EED: variants seen among roughly 807,000 people sequenced by gnomAD.
EED encodes polycomb protein EED.
Under a neutral mutation model 61.0 loss-of-function variants are expected in EED, and 9 were observed. The ratio of observed to expected loss-of-function variants is 0.15; its 90% CI spans 0.09 to 0.26. The LOEUF (loss-of-function observed/expected upper bound fraction) is 0.26, where lower values mean the gene tolerates loss of function less well. EED is among the 10% of genes least tolerant of loss of function. EED has a pLI of 1.00. For missense variants in EED, 315 were observed against 542.3 expected, an observed-to-expected ratio of 0.58 and a Z score of 4.16; for synonymous variants, 187 against 174.4, an observed-to-expected ratio of 1.07 and a Z score of -0.57.
At chr11:86,246,924 A>C (rs1056829344) in intron 1 of EED, among the ~76,000 whole-genome samples, 2 of 152,232 alleles carry the variant, frequency 1.3e-5, no homozygotes, top group Admixed American at 1.3e-4. Flanking sequence ...GAGTTAATAT[A>C]GCTAAAGTAC....
chr11:86,278,179 G>C, intron 11 of EED, 188 bp downstream of exon 11: 3 of 1,321,592 alleles, frequency 2.3e-6, no homozygotes, highest in Non-Finnish European at 2.9e-6. Context: ...TTGGTGACAA[G>C]TCATTTCTTG....
At chr11:86,286,971 CAAAAAAAAAAAAA>C in the EED span, among the ~76,000 whole-genome samples, 4 of 68,342 alleles carry the variant, frequency 5.9e-5, no homozygotes, top group African/African-American at 1.9e-4. Flanking sequence ...GACTCCGTCT[CAAAAAAAAAAAAA>C]AAAAAAAAAA....
chr11:86,253,261 A>T (rs1357445305), intron 3 of EED, among the ~76,000 whole-genome samples: 1 of 152,214 alleles, frequency 6.6e-6, no homozygotes, highest in Non-Finnish European at 1.5e-5. Flanking sequence ...TTCTTTGAAA[A>T]CAACAATTCA....
At chr11:86,252,319 T>C in intron 3 of EED, 79 bp downstream of exon 3, 1 of 1,018,452 alleles carries the variant, frequency 9.8e-7, no homozygotes. Flanking sequence ...TAGAATAATT[T>C]CAAAGTGCAT....
chr11:86,249,688 C>G (rs1158885098), intron 1 of EED, among the ~76,000 whole-genome samples: 1 of 151,988 alleles, frequency 6.6e-6, no homozygotes, highest in Non-Finnish European at 1.5e-5. Flanking sequence ...AACAATGAGA[C>G]AGTTTTAACT....
At chr11:86,266,486 G>A (rs1215186418) in intron 8 of EED, among the ~76,000 whole-genome samples, 3 of 152,030 alleles carry the variant, frequency 2.0e-5, no homozygotes, top group African/African-American at 7.2e-5. Context: ...GTATGCATAT[G>A]CTTGGCCTTT....
chr11:86,273,281 C>T (rs912410989), intron 9 of EED, among the ~76,000 whole-genome samples: 5 of 152,224 alleles, frequency 3.3e-5, no homozygotes, highest in African/African-American at 1.2e-4. Flanking sequence ...CATTGGCCTC[C>T]CAAAGGACTG....
At position 86,244,843 on chromosome 11, in the gene EED, T is replaced by A. The variant is rs1945342194; in HGVS notation, c.-387T>A. 3.7e-5 allele frequency: 9 copies of A among 243,682 alleles called. No homozygotes were observed. The Admixed American group carries it at 5.1e-4, about 14-fold the overall frequency. 15.1% of individuals were successfully genotyped at this position (243,682 alleles called of 1,614,324 possible). A position where few individuals can be genotyped will look rare whatever the true frequency, so the allele number is the denominator to read the frequency against. ...AACGTCTTTGGAAGGAGGAAGGGGG[T>A]GAGGGAGCATCCCTTTGAGTTTCGC... is the stretch of plus-strand genomic sequence containing the variant. On this transcript the variant is annotated 5_prime_UTR_variant, in exon 1 of 12. Coordinates refer to ENST00000263360, the MANE Select transcript of EED (RefSeq NM_003797.5).
chr11:86,250,075 A>G (rs1945492208), intron 1 of EED, among the ~76,000 whole-genome samples: 1 of 152,238 alleles, frequency 6.6e-6, no homozygotes, highest in Admixed American at 6.5e-5. Flanking sequence ...TATTCTCATT[A>G]GTATTTATTT....
intron 11 of EED, 95 bp from the exon 12 acceptor site, chr11:86,278,304 T>A (rs766935587): frequency 1.3e-6 from 2 of 1,505,692 alleles, no homozygotes. Context: ...TTCGTATGAC[T>A]TGGAACATCT....
chr11:86,284,898 G>T, the EED span, among the ~76,000 whole-genome samples: 4 of 152,122 alleles, frequency 2.6e-5, no homozygotes, highest in African/African-American at 9.7e-5. Flanking sequence ...GATCATCTGA[G>T]GTCAGGAGTT....
At chr11:86,264,512 C>G (rs1945926285) in intron 7 of EED, 2 of 325,896 alleles carry the variant, frequency 6.1e-6, no homozygotes. Flanking sequence ...GCAGTATGAT[C>G]TTGCTCCTTT....
At chr11:86,279,671 A>T (rs1231865698), downstream of EED, among the ~76,000 whole-genome samples, 1 of 152,204 alleles carries the variant, frequency 6.6e-6, no homozygotes, top group Non-Finnish European at 1.5e-5. Context: ...GTTTCTATAA[A>T]TATGTATATT....
At chr11:86,257,408 A>T in intron 5 of EED, 107 bp from the exon 6 acceptor site, 2 of 563,884 alleles carry the variant, frequency 3.5e-6, no homozygotes, top group Non-Finnish European at 5.2e-6. Flanking sequence ...GCCAAGGTTG[A>T]GAACCACTAC....
downstream of EED, among the ~76,000 whole-genome samples, chr11:86,282,090 C>T (rs561567914): frequency 6.6e-6 from 1 of 152,294 alleles, no homozygotes; most frequent in African/African-American, 2.4e-5. Flanking sequence ...ATCTATACAT[C>T]TACACCAGAT....
chr11:86,278,606 G>T lies in EED; in HGVS notation c.*81G>T. The T allele has an allele frequency of 6.5e-7, 1 of 1,539,834 alleles. No individual in the cohort carries two copies. Among genetic ancestry groups the T allele is most frequent in the Non-Finnish European group, 8.8e-7 (1 of 1,136,478 alleles). ...TAATGTATCTTGCTAGTAAGGGCAC[G>T]TAGAGCATTTAGAGTTGTCTTTCAG... On this transcript the variant is annotated 3_prime_UTR_variant, in exon 12 of 12. Coordinates refer to ENST00000263360, the MANE Select transcript of EED (RefSeq NM_003797.5).
chr11:86,264,233 A>C lies in EED; in HGVS notation c.696A>C (p.Val232=). Residue 232 remains valine, a synonymous_variant, in exon 7 of 12, where the codon GTA becomes GTC. Transcript: ENST00000263360. ...TDTLVAIFGG[V]EGHRDEVLSA... Reference sequence around the variant, plus strand: ...CTCTGGTGGCAATATTTGGAGGCGTAGAAGGGCACAGAGATGAAGTTCTAA... The same window carrying C: ...CTCTGGTGGCAATATTTGGAGGCGTCGAAGGGCACAGAGATGAAGTTCTAA... 2 of 1,614,036 alleles carry C rather than the reference A, an allele frequency of 1.2e-6. No individual in the cohort carries two copies. Among genetic ancestry groups the C allele is most frequent in the Non-Finnish European group, 1.7e-6 (2 of 1,179,932 alleles).
At chr11:86,262,547 C>T (rs74977253) in intron 6 of EED, among the ~76,000 whole-genome samples, 1 of 152,144 alleles carries the variant, frequency 6.6e-6, no homozygotes, top group South Asian at 2.1e-4. Flanking sequence ...CTCACACCCT[C>T]TCCTTCCCTT....
At chr11:86,262,224 T>A (rs1945851094) in intron 6 of EED, among the ~76,000 whole-genome samples, 1 of 152,016 alleles carries the variant, frequency 6.6e-6, no homozygotes, top group Admixed American at 6.6e-5. Flanking sequence ...AGTTTATAAA[T>A]GTTTCTGTTT....
Sources: allele counts gnomAD v4.1 joint callset (sites outside exome capture counted in the v4.1 genomes callset), GRCh38; gene constraint gnomAD v4.1.1; transcripts MANE v1.5; gene names NCBI Gene and HGNC (gene_info 2026-07-23, HGNC 2026-07-21).